Variants in SUSD6 observed in about 807,000 individuals in gnomAD.
The protein encoded by SUSD6 is sushi domain containing 6, also known as sushi domain-containing protein 6.
In SUSD6, 16 loss-of-function variants were observed where a neutral mutation model predicts 28.4. That is an observed-to-expected ratio of 0.56 (90% CI 0.38 to 0.86). The LOEUF (loss-of-function observed/expected upper bound fraction) is 0.86. Among genes scored for constraint, SUSD6 ranks in the 40% least tolerant of loss-of-function variants. The probability of loss-of-function intolerance (pLI) is 0.00; values close to 1 mark genes in which losing one functional copy is unlikely to be tolerated. For synonymous variants in SUSD6, 147 were observed against 159.6 expected (o/e 0.92, Z 0.59); for missense variants, 341 against 384.2 (o/e 0.89, Z 0.94).
At chr14:69,678,982 TG>T (rs1217203486) in intron 2 of SUSD6, among the ~76,000 whole-genome samples, 5 of 152,214 alleles carry the variant, frequency 3.3e-5, no homozygotes, top group African/African-American at 1.2e-4. Context: ...TCACAGTAAT[TG>T]TACCAGTTTA....
rs1053496281 is a variant in SUSD6 at position 69,620,337 on chromosome 14, G to A, written c.-81+8509G>A. Among the ~76,000 whole-genome samples the A allele has an allele frequency of 2.0e-5, 3 of 152,196 alleles. No individual in the cohort carries two copies. The South Asian group carries it at 6.2e-4, about 31-fold the overall frequency. ...ATTTGTGAGCCGATAATCTGGTTAG[G>A]CTATGATGTCAGACTGGTGGGAGGC... On this transcript the variant is annotated intron_variant, in intron 1 of 5. Transcript: ENST00000342745.
intron 1 of SUSD6, among the ~76,000 whole-genome samples, chr14:69,655,880 C>T (rs1595044224): frequency 6.6e-6 from 1 of 152,070 alleles, no homozygotes; most frequent in East Asian, 1.9e-4. Context: ...TGCCTGTCCC[C>T]TCACACCCCA....
chr14:69,635,457 A>G (rs1885249665), intron 1 of SUSD6, among the ~76,000 whole-genome samples: 1 of 152,186 alleles, frequency 6.6e-6, no homozygotes, highest in Admixed American at 6.5e-5. Flanking sequence ...GGGAGAGAAA[A>G]CAAGTTCTGT....
chr14:69,631,981 C>T (rs1885201491), intron 1 of SUSD6, among the ~76,000 whole-genome samples: 1 of 152,174 alleles, frequency 6.6e-6, no homozygotes, highest in Admixed American at 6.5e-5. Context: ...TTAATACCAA[C>T]AACAGTTTCT....
In SUSD6 at chr14:69,702,062, A is replaced by G. The variant is rs115363543; in HGVS notation, c.122-1333A>G. Among the ~76,000 whole-genome samples the G allele has an allele frequency of 1.7e-3, 255 of 152,028 alleles. 1 individual carries two copies. The highest frequency in any genetic ancestry group is 5.8e-3 in the African/African-American group (239 of 41,474). On this transcript the variant is annotated intron_variant, in intron 2 of 5. Transcript: ENST00000342745. ...GGTCTGCCCCTCTCGTGGATGAGAA[A>G]CTGCCTTATCTTGGACAGTCAGGCA...
intron 1 of SUSD6, among the ~76,000 whole-genome samples, chr14:69,646,700 C>CTTTTTTTT (rs61409476): frequency 3.7e-5 from 4 of 109,204 alleles, no homozygotes; most frequent in East Asian, 5.4e-4. Context: ...TTTTTTCCAT[C>CTTTTTTTT]TTTTTTTTTT....
chr14:69,645,611 C>T (rs1025155058), intron 1 of SUSD6, among the ~76,000 whole-genome samples: 1 of 152,152 alleles, frequency 6.6e-6, no homozygotes, highest in Non-Finnish European at 1.5e-5. Context: ...ATTTAGGAAG[C>T]CTTAACTCAA....
rs2139652021 is a variant in SUSD6, at chr14:69,714,286, GAATA to G, written c.*3308_*3311del. 1 of 152,314 alleles carries G rather than the reference GAATA, an allele frequency of 6.6e-6. No homozygotes were observed. The highest frequency in any genetic ancestry group is 2.1e-4 in the South Asian group (1 of 4,816). The allele number at this position is 152,314 out of a possible 1,614,324, so 9.4% of individuals were successfully genotyped here. A position where few individuals can be genotyped will look rare whatever the true frequency, so the allele number is the denominator to read the frequency against. On this transcript the variant is annotated 3_prime_UTR_variant, in exon 6 of 6. Coordinates refer to ENST00000342745, the MANE Select transcript of SUSD6 (RefSeq NM_014734.4). ...TCCTGCTTCATGGGTGGTGGCACGGGAATAGATAGCCCTTAGCCCTTTCCCTCCC... is the reference window on the plus strand; with the variant it reads ...TCCTGCTTCATGGGTGGTGGCACGGGGATAGCCCTTAGCCCTTTCCCTCCC...
At chr14:69,653,319 C>T (rs926077782) in intron 1 of SUSD6, among the ~76,000 whole-genome samples, 7 of 152,192 alleles carry the variant, frequency 4.6e-5, no homozygotes, top group Non-Finnish European at 7.3e-5. Flanking sequence ...AAAATCAGAA[C>T]GGTGACTCTC....
chr14:69,640,351 G>A (rs1263188084), intron 1 of SUSD6, among the ~76,000 whole-genome samples: 1 of 151,428 alleles, frequency 6.6e-6, no homozygotes, highest in Non-Finnish European at 1.5e-5. Flanking sequence ...ATATATATTT[G>A]GAGACAAGAT....
intron 1 of SUSD6, among the ~76,000 whole-genome samples, chr14:69,613,509 A>G (rs1220306881): frequency 1.3e-5 from 2 of 152,200 alleles, no homozygotes; most frequent in Non-Finnish European, 2.9e-5. Context: ...TCATTTGTTC[A>G]TTCTTTCATT....
intron 1 of SUSD6, among the ~76,000 whole-genome samples, chr14:69,657,219 G>A (rs926237379): frequency 5.9e-5 from 9 of 152,204 alleles, no homozygotes; most frequent in African/African-American, 2.2e-4. Context: ...ACTTTGGGAG[G>A]CTGAGATGGC....
intron 2 of SUSD6, among the ~76,000 whole-genome samples, chr14:69,702,508 C>T (rs1009834638): frequency 1.2e-4 from 18 of 152,208 alleles, no homozygotes; most frequent in African/African-American, 4.3e-4. Flanking sequence ...CTGCCATCTC[C>T]CTAACTGACC....
At chr14:69,637,232 C>T (rs1885277778) in intron 1 of SUSD6, among the ~76,000 whole-genome samples, 2 of 152,162 alleles carry the variant, frequency 1.3e-5, no homozygotes, top group African/African-American at 2.4e-5. Context: ...TAGACTGCCG[C>T]TTGCCCCATA....
chr14:69,650,432 G>A (rs1193508988), intron 1 of SUSD6, among the ~76,000 whole-genome samples: 1 of 152,082 alleles, frequency 6.6e-6, no homozygotes, highest in African/African-American at 2.4e-5. Flanking sequence ...GATAGTATCT[G>A]CCATAATTTT....
chr14:69,619,000 A>C (rs901824386), intron 1 of SUSD6, among the ~76,000 whole-genome samples: 1 of 152,206 alleles, frequency 6.6e-6, no homozygotes, highest in African/African-American at 2.4e-5. Flanking sequence ...ATTTTAAAGA[A>C]ATGCAAGTGG....
chr14:69,685,812 A>T (rs1026651271), intron 2 of SUSD6, among the ~76,000 whole-genome samples: 1 of 152,212 alleles, frequency 6.6e-6, no homozygotes. Flanking sequence ...AACATTTGTC[A>T]TGGGAACAAC....
At chr14:69,670,415 C>G (rs1885812392) in intron 2 of SUSD6, 1 of 456,562 alleles carries the variant, frequency 2.2e-6, no homozygotes, top group Admixed American at 2.3e-5. Context: ...TACTGCACTA[C>G]ACAGGAATAC....
chr14:69,694,036 C>A (rs149712076), intron 2 of SUSD6, among the ~76,000 whole-genome samples: 2,168 of 152,322 alleles, frequency 0.014, 42 homozygotes, highest in Middle Eastern at 0.017. Context: ...TTGCAAGTCA[C>A]GTTGGTTTTC....
Sources: gnomAD v4.1 joint callset for allele counts (sites outside exome capture counted in the v4.1 genomes callset) on GRCh38, gnomAD v4.1.1 for gene constraint, MANE v1.5 for transcripts, NCBI Gene and HGNC (gene_info 2026-07-23, HGNC 2026-07-21) for gene names.